COLEC11: variants seen among roughly 807,000 people sequenced by gnomAD.
COLEC11 encodes collectin subfamily member 11, also known as collectin-11.
A neutral mutation model predicts 27.3 loss-of-function variants in COLEC11; 20 were observed. The observed-to-expected ratio is 0.73, with a 90% CI of 0.51 to 1.06. The LOEUF is 1.06. COLEC11 is among the 50% of genes least tolerant of loss of function. COLEC11 has a pLI of 0.00. For missense variants in COLEC11, 310 were observed against 383.0 expected (o/e 0.81, Z 1.59); for synonymous variants, 163 against 154.7 (o/e 1.05, Z -0.40).
Position 3,616,329 on chromosome 2 carries a change from G to A in COLEC11, c.202+2947G>A, listed in dbSNP as rs1334095223. 1.1e-4 allele frequency among the ~76,000 whole-genome samples: 17 copies of A among 151,292 alleles called. 3 individuals carry two copies. Among genetic ancestry groups the A allele is most frequent in the African/African-American group, 4.2e-4 (17 of 40,622 alleles). ...ATCCGAGACTATGGGCGGCCAGGCAGAGACACTCCTCACTTCCCAGACGGG... is the reference window on the plus strand; with the variant it reads ...ATCCGAGACTATGGGCGGCCAGGCAAAGACACTCCTCACTTCCCAGACGGG... On this transcript the variant is annotated intron_variant, in intron 3 of 6. Transcript: ENST00000349077.
chr2:3,598,193 C>A (rs1179342298), intron 1 of COLEC11, among the ~76,000 whole-genome samples: 2 of 152,206 alleles, frequency 1.3e-5, no homozygotes, highest in Non-Finnish European at 2.9e-5. Flanking sequence ...ACCTCGGCCT[C>A]CCAAAGTGGT....
At chr2:3,642,963 C>T (rs918980018) in intron 5 of COLEC11, among the ~76,000 whole-genome samples, 45 of 152,176 alleles carry the variant, frequency 3.0e-4, no homozygotes, top group Admixed American at 8.5e-4. Context: ...TGGCAGATTC[C>T]ACCTCCTTTG....
intron 3 of COLEC11, among the ~76,000 whole-genome samples, chr2:3,631,701 G>C (rs1291398313): frequency 6.6e-6 from 1 of 151,318 alleles, no homozygotes; most frequent in East Asian, 1.9e-4. Context: ...CTCGGAGGGG[G>C]CTCTGCTCGG....
chr2:3,625,480 CA>C (rs939351735), intron 3 of COLEC11, among the ~76,000 whole-genome samples: 4 of 151,988 alleles, frequency 2.6e-5, no homozygotes, highest in African/African-American at 9.7e-5. Flanking sequence ...AATCTGGAGA[CA>C]GGGAGGGCTA....
At chr2:3,630,847 A>T (rs1024293476) in intron 3 of COLEC11, among the ~76,000 whole-genome samples, 1 of 152,208 alleles carries the variant, frequency 6.6e-6, no homozygotes, top group African/African-American at 2.4e-5. Context: ...ACTCTCGGCC[A>T]GTCTGCTTTG....
At position 3,633,455 on chromosome 2, in the gene COLEC11, C is replaced by T. The variant is rs150369052; in HGVS notation, c.203-4078C>T. Reference sequence around the variant, plus strand: ...GCTCACACTTGGCACCTGTCTCCGGCGAGTAGAGCTCAGCTCCTGCCCTTG... The same window carrying T: ...GCTCACACTTGGCACCTGTCTCCGGTGAGTAGAGCTCAGCTCCTGCCCTTG... On this transcript the variant is annotated intron_variant, in intron 3 of 6. Coordinates refer to ENST00000349077, the MANE Select transcript of COLEC11 (RefSeq NM_024027.5). 7.2e-3 allele frequency among the ~76,000 whole-genome samples: 1,092 copies of T among 152,322 alleles called. 10 individuals carry two copies. The highest frequency in any genetic ancestry group is 0.044 in the Middle Eastern group (13 of 294).
intron 3 of COLEC11, among the ~76,000 whole-genome samples, chr2:3,614,006 T>A (rs140152675): frequency 0.017 from 2,437 of 146,232 alleles, 98 homozygotes; most frequent in African/African-American, 0.058. Context: ...AGACTGAGTC[T>A]TGCTCTGTTG....
chr2:3,609,371 T>C (rs1663012596), intron 2 of COLEC11, among the ~76,000 whole-genome samples: 2 of 140,366 alleles, frequency 1.4e-5, no homozygotes, highest in African/African-American at 5.4e-5. Context: ...TTTTTTTTTT[T>C]TTTTTTTTTT....
intron 1 of COLEC11, chr2:3,603,839 G>C (rs1050833356): frequency 4.3e-5 from 27 of 634,578 alleles, no homozygotes; most frequent in Admixed American, 8.5e-5. Flanking sequence ...AGATGTGGGG[G>C]CGTGGATTCC....
At chr2:3,625,451 C>T (rs376798245) in intron 3 of COLEC11, among the ~76,000 whole-genome samples, 2 of 151,842 alleles carry the variant, frequency 1.3e-5, no homozygotes, top group Non-Finnish European at 1.5e-5. Flanking sequence ...GGAGGCTACT[C>T]GTAATTCAGG....
chr2:3,626,544 T>C (rs543464937), intron 3 of COLEC11, among the ~76,000 whole-genome samples: 2 of 152,334 alleles, frequency 1.3e-5, no homozygotes, highest in East Asian at 3.9e-4. Context: ...GTTGCTGTTA[T>C]TATTCTCCGT....
At chr2:3,638,380 G>A (rs1377926508) in intron 4 of COLEC11, among the ~76,000 whole-genome samples, 1 of 152,218 alleles carries the variant, frequency 6.6e-6, no homozygotes. Flanking sequence ...CTTCAGGTGT[G>A]GACTCATGAA....
chr2:3,617,656 C>T, intron 3 of COLEC11: 1 of 1,612,014 alleles, frequency 6.2e-7, no homozygotes, highest in East Asian at 2.2e-5. Flanking sequence ...ATTTCTCGAT[C>T]TCAGCCATAT....
At chr2:3,623,930 A>C (rs1664347247) in intron 3 of COLEC11, among the ~76,000 whole-genome samples, 1 of 151,900 alleles carries the variant, frequency 6.6e-6, no homozygotes, top group Non-Finnish European at 1.5e-5. Context: ...AAAAGCAGTC[A>C]CCTCCTCTAG....
At chr2:3,595,624 C>G (rs1235270794) in intron 1 of COLEC11, among the ~76,000 whole-genome samples, 1 of 152,180 alleles carries the variant, frequency 6.6e-6, no homozygotes, top group Non-Finnish European at 1.5e-5. Flanking sequence ...GTGTTGGGCT[C>G]AGGAACGGGG....
chr2:3,606,048 C>T, intron 2 of COLEC11: 4 of 1,546,142 alleles, frequency 2.6e-6, no homozygotes, highest in East Asian at 2.5e-5. Context: ...GCCTACGGCT[C>T]TCTCAGAAGT....
At chr2:3,615,906 C>T in intron 3 of COLEC11, among the ~76,000 whole-genome samples, 1 of 134,800 alleles carries the variant, frequency 7.4e-6, no homozygotes. Flanking sequence ...GGGCTGCCCC[C>T]CACCTCCCTC....
chr2:3,632,438 C>A (rs916249260), intron 3 of COLEC11, among the ~76,000 whole-genome samples: 1 of 152,208 alleles, frequency 6.6e-6, no homozygotes, highest in African/African-American at 2.4e-5. Context: ...GGCTGCTGCT[C>A]CTGAGGCTGC....
chr2:3,642,380 G>T (rs1665935085), intron 5 of COLEC11, among the ~76,000 whole-genome samples: 1 of 152,142 alleles, frequency 6.6e-6, no homozygotes, highest in South Asian at 2.1e-4. Context: ...AGAAAGGCCT[G>T]TGAGGTGTTC....
Sources: gnomAD v4.1 joint callset for allele counts (sites outside exome capture counted in the v4.1 genomes callset) on GRCh38, gnomAD v4.1.1 for gene constraint, MANE v1.5 for transcripts, NCBI Gene and HGNC (gene_info 2026-07-23, HGNC 2026-07-21) for gene names.